Variants in CRPPA observed in about 807,000 individuals in gnomAD.
The protein encoded by CRPPA is CDP-L-ribitol pyrophosphorylase A.
In CRPPA, 43 loss-of-function variants were observed where a neutral mutation model predicts 52.0. The ratio of observed to expected loss-of-function variants is 0.83; its 90% confidence interval spans 0.65 to 1.07. CRPPA has a LOEUF of 1.07. CRPPA is among the 50% of genes least tolerant of loss of function. The probability of loss-of-function intolerance (pLI) is 0.00; values close to 1 mark genes in which losing one functional copy is unlikely to be tolerated. For synonymous variants in CRPPA, 250 were observed against 203.5 expected (o/e 1.23, Z -1.94); for missense variants, 629 against 551.7 (o/e 1.14, Z -1.40).
intron 3 of CRPPA, among the ~76,000 whole-genome samples, chr7:16,331,309 T>G (rs1471154385): frequency 6.6e-6 from 1 of 152,138 alleles, no homozygotes; most frequent in Non-Finnish European, 1.5e-5. Flanking sequence ...AGAAACGTGT[T>G]TTACAAGGCA....
chr7:16,391,510 T>C (rs1787445636), intron 2 of CRPPA, among the ~76,000 whole-genome samples: 1 of 152,166 alleles, frequency 6.6e-6, no homozygotes, highest in African/African-American at 2.4e-5. Flanking sequence ...TTAGATCATG[T>C]CTCTCTTCTG....
At chr7:16,413,976 A>G (rs140641371) in intron 1 of CRPPA, among the ~76,000 whole-genome samples, 6 of 152,324 alleles carry the variant, frequency 3.9e-5, no homozygotes, top group Non-Finnish European at 5.9e-5. Context: ...CAGTGCCAAT[A>G]GATTAACATA....
chr7:16,266,552 C>A (rs1330391070), intron 6 of CRPPA, among the ~76,000 whole-genome samples: 1 of 151,020 alleles, frequency 6.6e-6, no homozygotes, highest in South Asian at 2.1e-4. Context: ...CATCTTGGCT[C>A]ACTGCAACCT....
intron 9 of CRPPA, among the ~76,000 whole-genome samples, chr7:16,198,905 A>T (rs1241587797): frequency 1.3e-5 from 2 of 152,016 alleles, no homozygotes; most frequent in Admixed American, 6.6e-5. Context: ...TCCAACACAT[A>T]ATGACTCCAT....
At chr7:16,179,338 T>A (rs999959728) in intron 9 of CRPPA, among the ~76,000 whole-genome samples, 1 of 152,120 alleles carries the variant, frequency 6.6e-6, no homozygotes, top group Non-Finnish European at 1.5e-5. Context: ...ATTCTTAAAT[T>A]CTAGAATCCA....
chr7:16,389,518 C>G (rs920063677), intron 2 of CRPPA, among the ~76,000 whole-genome samples: 10 of 151,998 alleles, frequency 6.6e-5, no homozygotes, highest in East Asian at 5.8e-4. Flanking sequence ...ATGAACATGT[C>G]AATAGGTGCA....
intron 5 of CRPPA, among the ~76,000 whole-genome samples, chr7:16,300,392 G>C (rs1330919013): frequency 6.6e-6 from 1 of 152,178 alleles, no homozygotes; most frequent in Admixed American, 6.5e-5. Flanking sequence ...GAAAACCTGA[G>C]CATGTAGTTC....
intron 5 of CRPPA, among the ~76,000 whole-genome samples, chr7:16,298,628 A>G (rs1215087155): frequency 1.3e-5 from 2 of 152,228 alleles, no homozygotes; most frequent in Admixed American, 6.5e-5. Context: ...TGTGTCATAA[A>G]TTATGTGTCA....
At chr7:16,339,727 T>C (rs1785774220) in intron 3 of CRPPA, among the ~76,000 whole-genome samples, 1 of 152,210 alleles carries the variant, frequency 6.6e-6, no homozygotes, top group Admixed American at 6.5e-5. Context: ...ATAAGTATTC[T>C]GATTGGAAAG....
intron 8 of CRPPA, among the ~76,000 whole-genome samples, chr7:16,244,749 C>T (rs1214611629): frequency 1.3e-5 from 2 of 152,148 alleles, no homozygotes; most frequent in African/African-American, 4.8e-5. Flanking sequence ...TACTTGGCTA[C>T]TTCAGATGGA....
At chr7:16,283,646 A>C (rs2128418927) in intron 5 of CRPPA, among the ~76,000 whole-genome samples, 1 of 151,642 alleles carries the variant, frequency 6.6e-6, no homozygotes, top group South Asian at 2.1e-4. Context: ...GTAATTTTCC[A>C]GTTGTCTTTA....
intron 1 of CRPPA, among the ~76,000 whole-genome samples, chr7:16,418,835 G>C (rs1214137960): frequency 2.0e-5 from 3 of 152,168 alleles, no homozygotes; most frequent in Non-Finnish European, 4.4e-5. Context: ...ATATCAGTGA[G>C]ATTTTTAGTG....
chr7:16,138,249 G>C (rs543500818), intron 9 of CRPPA, among the ~76,000 whole-genome samples: 1 of 152,150 alleles, frequency 6.6e-6, no homozygotes, highest in African/African-American at 2.4e-5. Context: ...TAAAATTTCA[G>C]GTAGAACAAT....
intron 5 of CRPPA, among the ~76,000 whole-genome samples, chr7:16,278,880 C>T (rs1206507013): frequency 1.3e-5 from 2 of 152,166 alleles, no homozygotes; most frequent in African/African-American, 4.8e-5. Context: ...ATATGAAGTC[C>T]TCCTCTATAG....
At chr7:16,145,344 C>G (rs1782954659) in intron 9 of CRPPA, among the ~76,000 whole-genome samples, 1 of 152,100 alleles carries the variant, frequency 6.6e-6, no homozygotes, top group Admixed American at 6.5e-5. Context: ...ACAGTCCTAC[C>G]AGGTTAGAGA....
At chr7:16,213,468 G>T (rs1346330629) in intron 9 of CRPPA, among the ~76,000 whole-genome samples, 1 of 151,562 alleles carries the variant, frequency 6.6e-6, no homozygotes, top group Non-Finnish European at 1.5e-5. Context: ...CAAAAATTTG[G>T]CCAGGCGCGG....
intron 2 of CRPPA, among the ~76,000 whole-genome samples, chr7:16,376,872 T>C (rs932670214): frequency 6.6e-6 from 1 of 152,236 alleles, no homozygotes; most frequent in African/African-American, 2.4e-5. Flanking sequence ...ACATTTCATG[T>C]CTGACAATTT....
intron 8 of CRPPA, among the ~76,000 whole-genome samples, chr7:16,221,540 T>A (rs1226438729): frequency 6.6e-6 from 1 of 152,090 alleles, no homozygotes; most frequent in Non-Finnish European, 1.5e-5. Context: ...TTTCACAACC[T>A]ACTCATCTGA....
At chr7:16,159,996 A>T (rs28872797) in intron 9 of CRPPA, among the ~76,000 whole-genome samples, 3,258 of 152,036 alleles carry the variant, frequency 0.021, 117 homozygotes, top group African/African-American at 0.075. Context: ...GTGTCTGTTC[A>T]TATCCTTTGC....
Sources: allele counts gnomAD v4.1 joint callset (sites outside exome capture counted in the v4.1 genomes callset), GRCh38; gene constraint gnomAD v4.1.1; transcripts MANE v1.5; gene names NCBI Gene and HGNC (gene_info 2026-07-23, HGNC 2026-07-21).